The following NAALADL2 variants were observed in gnomAD, a reference collection of about 807,000 sequenced individuals.
The protein encoded by NAALADL2 is N-acetylated alpha-linked acidic dipeptidase like 2, also known as inactive N-acetylated-alpha-linked acidic dipeptidase-like protein 2.
A neutral mutation model predicts 87.2 loss-of-function variants in NAALADL2; 76 were observed. The ratio of observed to expected loss-of-function variants is 0.87; its 90% CI spans 0.72 to 1.05. NAALADL2 has a LOEUF of 1.05. Ranked by LOEUF, NAALADL2 falls within the 50% of genes least tolerant of loss-of-function variation. The pLI, the probability that NAALADL2 is intolerant of heterozygous loss-of-function variation, is 0.00. For missense variants in NAALADL2, 1,089 were observed against 945.8 expected (o/e 1.15, Z -1.99); for synonymous variants, 354 against 331.0 (o/e 1.07, Z -0.75).
At chr3:174,476,420 T>C (rs1253987023) in intron 1 of NAALADL2, among the ~76,000 whole-genome samples, 4 of 152,006 alleles carry the variant, frequency 2.6e-5, no homozygotes, top group African/African-American at 9.7e-5. Flanking sequence ...TCCTGTGGTG[T>C]TTTACTCTTC....
intron 2 of NAALADL2, among the ~76,000 whole-genome samples, chr3:174,723,026 T>C (rs1381780198): frequency 2.0e-5 from 3 of 152,124 alleles, no homozygotes; most frequent in African/African-American, 7.2e-5. Context: ...AAAACAGACA[T>C]ACATGTATTT....
At chr3:174,815,535 C>G (rs1290768196) in intron 3 of NAALADL2, among the ~76,000 whole-genome samples, 1 of 152,144 alleles carries the variant, frequency 6.6e-6, no homozygotes, top group Non-Finnish European at 1.5e-5. Flanking sequence ...TTTAAGTGAT[C>G]CTGCTGCCTC....
chr3:175,388,463 G>A (rs1032838986), intron 5 of NAALADL2, among the ~76,000 whole-genome samples: 6 of 152,022 alleles, frequency 3.9e-5, no homozygotes, highest in Non-Finnish European at 7.4e-5. Flanking sequence ...TACAAAAATC[G>A]ATGTTGAGTG....
At chr3:175,700,415 A>C (rs1167881375) in intron 11 of NAALADL2, among the ~76,000 whole-genome samples, 1 of 152,146 alleles carries the variant, frequency 6.6e-6, no homozygotes, top group Non-Finnish European at 1.5e-5. Flanking sequence ...CAGCAAATTT[A>C]ATTAAAAGAC....
rs1175916470 is a variant in NAALADL2 at position 174,756,577 on chromosome 3, C to T, written c.-9+18831C>T. 2.0e-5 allele frequency among the ~76,000 whole-genome samples: 3 copies of T among 152,212 alleles called. No homozygotes were observed. The East Asian group carries it at 5.8e-4, about 29-fold the overall frequency. On this transcript the variant is annotated intron_variant, in intron 3 of 3. Transcript: ENST00000434257. ...ATCTCAGAGCAGAATTAAGATGAAA[C>T]TATTAAATTAATCTTATCCAGTTTT...
At chr3:175,230,166 C>T (rs1012968988) in intron 2 of NAALADL2, among the ~76,000 whole-genome samples, 26 of 151,974 alleles carry the variant, frequency 1.7e-4, no homozygotes, top group African/African-American at 6.0e-4. Context: ...CACACATACA[C>T]ACACATTCTC....
At chr3:175,797,717 C>A (rs1753675747) in intron 13 of NAALADL2, among the ~76,000 whole-genome samples, 1 of 152,010 alleles carries the variant, frequency 6.6e-6, no homozygotes, top group Admixed American at 6.6e-5. Context: ...TTGTTAATAT[C>A]TTTTAACTCT....
chr3:174,805,481 T>G (rs1267531812), intron 3 of NAALADL2, among the ~76,000 whole-genome samples: 1 of 152,160 alleles, frequency 6.6e-6, no homozygotes, highest in African/African-American at 2.4e-5. Flanking sequence ...ACATACACCT[T>G]TAGCACTATT....
chr3:174,616,704 G>A (rs1720495168), intron 2 of NAALADL2, among the ~76,000 whole-genome samples: 1 of 151,800 alleles, frequency 6.6e-6, no homozygotes, highest in Admixed American at 6.6e-5. Context: ...CTTGATACTA[G>A]TATAGCTTAC....
At chr3:174,738,852 G>GA (rs939692488) in intron 3 of NAALADL2, among the ~76,000 whole-genome samples, 1 of 151,958 alleles carries the variant, frequency 6.6e-6, no homozygotes, top group African/African-American at 2.4e-5. Context: ...TACATTTGGG[G>GA]AAAAAATTAC....
intron 11 of NAALADL2, among the ~76,000 whole-genome samples, chr3:175,651,129 T>A (rs1730704381): frequency 6.6e-6 from 1 of 152,190 alleles, no homozygotes; most frequent in African/African-American, 2.4e-5. Flanking sequence ...TTTTTTAGTA[T>A]TGTGTATAAT....
intron 1 of NAALADL2, among the ~76,000 whole-genome samples, chr3:174,538,108 A>T (rs561721803): frequency 7.2e-5 from 11 of 152,282 alleles, no homozygotes; most frequent in African/African-American, 2.2e-4. Context: ...TCAGAGGTTG[A>T]CTATTTATAA....
chr3:175,585,338 G>A (rs185757536), intron 10 of NAALADL2, among the ~76,000 whole-genome samples: 12 of 152,018 alleles, frequency 7.9e-5, no homozygotes, highest in East Asian at 1.9e-4. Context: ...TATGCAGGAC[G>A]TGACTGGATT....
intron 11 of NAALADL2, among the ~76,000 whole-genome samples, chr3:175,628,452 T>C (rs1450513930): frequency 6.6e-6 from 1 of 151,404 alleles, no homozygotes; most frequent in East Asian, 1.9e-4. Context: ...AATTAAATTT[T>C]ACAGTATGGA....
intron 3 of NAALADL2, among the ~76,000 whole-genome samples, chr3:174,758,297 G>A (rs567248242): frequency 1.3e-5 from 2 of 152,202 alleles, no homozygotes; most frequent in South Asian, 2.1e-4. Context: ...AGTGACAGGA[G>A]GTCAGATGTT....
At chr3:175,387,683 T>C (rs545090129) in intron 5 of NAALADL2, among the ~76,000 whole-genome samples, 1 of 152,082 alleles carries the variant, frequency 6.6e-6, no homozygotes, top group Non-Finnish European at 1.5e-5. Context: ...AAAAGAATGA[T>C]TTGTGTTTAA....
At chr3:174,927,505 T>G (rs1736244854) in intron 1 of NAALADL2, among the ~76,000 whole-genome samples, 1 of 152,164 alleles carries the variant, frequency 6.6e-6, no homozygotes, top group South Asian at 2.1e-4. Flanking sequence ...TATAACAAAC[T>G]GTCTCTCACA....
chr3:175,694,322 T>C (rs1355375135), intron 11 of NAALADL2, among the ~76,000 whole-genome samples: 1 of 152,200 alleles, frequency 6.6e-6, no homozygotes, highest in African/African-American at 2.4e-5. Flanking sequence ...AATATTTATT[T>C]TAAAAATAGC....
At chr3:174,481,555 C>T (rs1027273059) in intron 1 of NAALADL2, among the ~76,000 whole-genome samples, 1 of 152,116 alleles carries the variant, frequency 6.6e-6, no homozygotes, top group Non-Finnish European at 1.5e-5. Flanking sequence ...GAAGATACCA[C>T]TGCCATTGAT....
Sources: allele counts gnomAD v4.1 joint callset (sites outside exome capture counted in the v4.1 genomes callset), GRCh38; gene constraint gnomAD v4.1.1; transcripts MANE v1.5; gene names NCBI Gene and HGNC (gene_info 2026-07-23, HGNC 2026-07-21).